Variants in PAM observed in about 807,000 individuals in gnomAD.
PAM encodes peptidylglycine alpha-amidating monooxygenase, also known as peptidyl-glycine alpha-amidating monooxygenase.
Under a neutral mutation model 122.1 loss-of-function variants are expected in PAM, and 72 were observed. That is an observed-to-expected ratio of 0.59 (90% CI 0.49 to 0.72). PAM has a LOEUF of 0.72. Ranked by LOEUF, PAM falls within the 30% of genes least tolerant of loss-of-function variation. PAM has a pLI of 0.00. For missense variants in PAM, 1,106 were observed against 1,183.7 expected, an observed-to-expected ratio of 0.93 and a Z score of 0.96; for synonymous variants, 389 against 404.4, an observed-to-expected ratio of 0.96 and a Z score of 0.46.
chr5:102,979,286 T>C (rs1768919865), intron 15 of PAM, among the ~76,000 whole-genome samples: 1 of 152,176 alleles, frequency 6.6e-6, no homozygotes, highest in Non-Finnish European at 1.5e-5. Flanking sequence ...TTTGAGCCCC[T>C]ATTTATATGG....
Position 102,999,277 on chromosome 5 carries a change from C to T in PAM, c.1614-3756C>T, listed in dbSNP as rs1582741183. 3.9e-5 allele frequency among the ~76,000 whole-genome samples: 6 copies of T among 152,330 alleles called. No homozygotes were observed. In the South Asian group the frequency reaches 6.2e-4, roughly 16 times the overall value. ...AGAGCTCCAAAATGATATCCTTTGA[C>T]TGCATGTCTCACATCCAGGTCACAG... On this transcript the variant is annotated intron_variant, in intron 16 of 25. Coordinates refer to ENST00000438793, the MANE Select transcript of PAM (RefSeq NM_001177306.2).
intron 17 of PAM, among the ~76,000 whole-genome samples, 185 bp from the exon 18 acceptor site, chr5:103,004,969 G>A (rs923184857): frequency 6.6e-6 from 1 of 152,096 alleles, no homozygotes; most frequent in Non-Finnish European, 1.5e-5. Flanking sequence ...CCTAAGGTTT[G>A]TCACAAGGAG....
chr5:102,916,760 T>C (rs970137396), intron 5 of PAM, among the ~76,000 whole-genome samples: 2 of 148,656 alleles, frequency 1.3e-5, no homozygotes, highest in African/African-American at 4.9e-5. Context: ...TTTGACTGAG[T>C]CTCACTCAGT....
At chr5:102,768,494 C>G (rs1490934714) in intron 1 of PAM, among the ~76,000 whole-genome samples, 2 of 117,212 alleles carry the variant, frequency 1.7e-5, no homozygotes, top group African/African-American at 6.7e-5. Flanking sequence ...CCTCTAACCT[C>G]TCCACTTCCC....
chr5:102,925,954 T>G (rs1749311779), intron 6 of PAM, among the ~76,000 whole-genome samples: 1 of 152,238 alleles, frequency 6.6e-6, no homozygotes, highest in Admixed American at 6.5e-5. Flanking sequence ...ATGACATTTT[T>G]GTAGATACCT....
chr5:102,801,963 A>G (rs1446315504), intron 1 of PAM, among the ~76,000 whole-genome samples: 1 of 150,332 alleles, frequency 6.7e-6, no homozygotes, highest in Non-Finnish European at 1.5e-5. Context: ...TATTTTTAGT[A>G]GAGACGGGGT....
At chr5:102,888,101 G>C (rs574860654) in intron 3 of PAM, among the ~76,000 whole-genome samples, 1 of 152,196 alleles carries the variant, frequency 6.6e-6, no homozygotes, top group East Asian at 1.9e-4. Context: ...AGGGCAGGAA[G>C]CACATCAGGT....
intron 15 of PAM, among the ~76,000 whole-genome samples, chr5:102,983,325 G>A (rs187516064): frequency 2.4e-4 from 36 of 151,170 alleles, no homozygotes; most frequent in Admixed American, 7.9e-4. Flanking sequence ...TGGCGTGTGC[G>A]TATAATTACA....
chr5:102,763,438 A>C (rs932470916), intron 1 of PAM, among the ~76,000 whole-genome samples: 6 of 152,172 alleles, frequency 3.9e-5, no homozygotes, highest in Non-Finnish European at 4.4e-5. Flanking sequence ...GGTCTGCATT[A>C]TCATGGAGTG....
chr5:102,890,587 T>C (rs985912163), intron 3 of PAM, among the ~76,000 whole-genome samples: 2 of 151,960 alleles, frequency 1.3e-5, no homozygotes, highest in Non-Finnish European at 2.9e-5. Context: ...TCATGGTCAT[T>C]GGACTACAGA....
chr5:102,756,618 C>CA (rs1362265578), intron 1 of PAM, among the ~76,000 whole-genome samples: 2 of 151,950 alleles, frequency 1.3e-5, no homozygotes, highest in East Asian at 1.9e-4. Flanking sequence ...ATCACAGGCA[C>CA]AAAAAAGCAT....
chr5:102,811,303 T>C (rs1767835793), intron 1 of PAM, among the ~76,000 whole-genome samples: 1 of 152,200 alleles, frequency 6.6e-6, no homozygotes, highest in African/African-American at 2.4e-5. Flanking sequence ...CTACATCTCC[T>C]TTCAGGAGGC....
At chr5:103,016,837 A>C (rs1354821592) in intron 21 of PAM, among the ~76,000 whole-genome samples, 1 of 152,158 alleles carries the variant, frequency 6.6e-6, no homozygotes, top group Non-Finnish European at 1.5e-5. Flanking sequence ...CTCTGAAATG[A>C]TTTTTCTTAT....
At chr5:102,886,914 C>T (rs982701847) in intron 3 of PAM, among the ~76,000 whole-genome samples, 1 of 152,082 alleles carries the variant, frequency 6.6e-6, no homozygotes, top group Non-Finnish European at 1.5e-5. Flanking sequence ...TCCCTTGAAT[C>T]TACACCTAGT....
intron 1 of PAM, among the ~76,000 whole-genome samples, chr5:102,829,363 GTTTTTTTTT>G (rs70990417): frequency 5.0e-5 from 7 of 140,504 alleles, no homozygotes; most frequent in Non-Finnish European, 1.1e-4. Flanking sequence ...CAACTGGGAG[GTTTTTTTTT>G]TTTTTTTTTT....
intron 7 of PAM, among the ~76,000 whole-genome samples, chr5:102,939,171 C>T (rs1754253178): frequency 6.6e-6 from 1 of 152,096 alleles, no homozygotes; most frequent in Admixed American, 6.6e-5. Flanking sequence ...CAAACCTTCC[C>T]TAGACCCAGA....
chr5:102,836,607 G>A (rs1777107498), intron 1 of PAM, among the ~76,000 whole-genome samples: 1 of 152,096 alleles, frequency 6.6e-6, no homozygotes, highest in Admixed American at 6.6e-5. Context: ...TGACATCTGA[G>A]ACAGGAGTTT....
intron 7 of PAM, among the ~76,000 whole-genome samples, chr5:102,926,934 A>G (rs1016388391): frequency 6.6e-6 from 1 of 151,958 alleles, no homozygotes; most frequent in Non-Finnish European, 1.5e-5. Flanking sequence ...GTATTGTTTT[A>G]TCAGCCTGCT....
intron 15 of PAM, among the ~76,000 whole-genome samples, chr5:102,977,768 T>A (rs6874716): frequency 0.055 from 8,323 of 150,944 alleles, 752 homozygotes; most frequent in African/African-American, 0.19. Flanking sequence ...CTTCATGGAG[T>A]CAGTATAATG....
Sources: allele counts gnomAD v4.1 joint callset (sites outside exome capture counted in the v4.1 genomes callset), GRCh38; gene constraint gnomAD v4.1.1; transcripts MANE v1.5; gene names NCBI Gene and HGNC (gene_info 2026-07-23, HGNC 2026-07-21).